The following CNKSR3 variants were observed in gnomAD, a reference collection of about 807,000 sequenced individuals.
The protein encoded by CNKSR3 is connector enhancer of kinase suppressor of ras 3.
In CNKSR3, 36 loss-of-function variants were observed where a neutral mutation model predicts 67.7. The observed-to-expected ratio is 0.53, with a 90% confidence interval of 0.41 to 0.70. The LOEUF is 0.70. Among genes scored for constraint, CNKSR3 ranks in the 30% least tolerant of loss-of-function variants. CNKSR3 has a pLI of 0.00. For missense variants in CNKSR3, 630 were observed against 695.2 expected (o/e 0.91, Z 1.05); for synonymous variants, 281 against 271.4 (o/e 1.04, Z -0.35).
At chr6:154,441,445 T>TG in intron 3 of CNKSR3, 66 bp from the exon 4 acceptor site, 1 of 1,183,684 alleles carries the variant, frequency 8.4e-7, no homozygotes, top group Non-Finnish European at 1.3e-6. Flanking sequence ...CACTGGATGT[T>TG]GGTAAGCATA....
At chr6:154,472,840 C>T (rs891011036) in intron 1 of CNKSR3, among the ~76,000 whole-genome samples, 5 of 149,844 alleles carry the variant, frequency 3.3e-5, no homozygotes, top group African/African-American at 9.8e-5. Context: ...AACAAAAAAA[C>T]GTACAGGGCA....
At chr6:154,468,974 T>C (rs1402566180) in intron 1 of CNKSR3, among the ~76,000 whole-genome samples, 1 of 152,142 alleles carries the variant, frequency 6.6e-6, no homozygotes, top group Non-Finnish European at 1.5e-5. Flanking sequence ...TGAGCTAAGA[T>C]CGTGCCACTG....
At chr6:154,435,596 T>C (rs1267701880) in intron 4 of CNKSR3, among the ~76,000 whole-genome samples, 2 of 152,222 alleles carry the variant, frequency 1.3e-5, no homozygotes, top group Admixed American at 1.3e-4. Flanking sequence ...CCCACACCCA[T>C]TCCTGCCGAG....
intron 1 of CNKSR3, among the ~76,000 whole-genome samples, chr6:154,463,816 G>A (rs1786135545): frequency 6.6e-6 from 1 of 152,160 alleles, no homozygotes; most frequent in African/African-American, 2.4e-5. Flanking sequence ...CTTCACTGCA[G>A]TGTAAAATGC....
rs1337616043 is a variant in CNKSR3, at chr6:154,486,291, CTCTT to C, written c.52+23768_52+23771del. On this transcript the variant is annotated intron_variant, in intron 1 of 12. Transcript: ENST00000607772. ...CAACTGTCTTCTCTTTTCTCTCTCT[CTCTT>C]TTTCTTTTTTTTTTTTTTTAGACGG... 3.9e-3 allele frequency among the ~76,000 whole-genome samples: 589 copies of C among 149,746 alleles called. 4 individuals carry two copies. The highest frequency in any genetic ancestry group is 0.013 in the African/African-American group (541 of 40,270).
intron 1 of CNKSR3, among the ~76,000 whole-genome samples, chr6:154,460,249 T>TC (rs1786050713): frequency 6.6e-6 from 1 of 152,208 alleles, no homozygotes; most frequent in African/African-American, 2.4e-5. Flanking sequence ...GAATTCAGAA[T>TC]ATAATGGCAG....
chr6:154,497,403 A>AAGAG (rs143796696), intron 1 of CNKSR3, among the ~76,000 whole-genome samples: 2 of 150,486 alleles, frequency 1.3e-5, no homozygotes, highest in African/African-American at 4.9e-5. Flanking sequence ...AAACGAGAGA[A>AAGAG]AGAGAGAGAG....
chr6:154,491,142 C>T (rs529925155), intron 1 of CNKSR3, among the ~76,000 whole-genome samples: 1 of 152,162 alleles, frequency 6.6e-6, no homozygotes, highest in Non-Finnish European at 1.5e-5. Context: ...CCACCGCGCC[C>T]GGCCCAGGTC....
At chr6:154,441,483 T>TTTTG in intron 3 of CNKSR3, 104 bp from the exon 4 acceptor site, 1 of 826,974 alleles carries the variant, frequency 1.2e-6, no homozygotes, top group African/African-American at 1.7e-5. Flanking sequence ...TCTAAATTCC[T>TTTTG]TTTTGTTTTG....
intron 1 of CNKSR3, among the ~76,000 whole-genome samples, chr6:154,487,453 C>T (rs1434691416): frequency 6.6e-6 from 1 of 152,092 alleles, no homozygotes; most frequent in Admixed American, 6.6e-5. Context: ...CATAAATTGG[C>T]CAACGTCAGG....
At chr6:154,409,997 T>C (rs559507962) in intron 12 of CNKSR3, among the ~76,000 whole-genome samples, 24 of 152,226 alleles carry the variant, frequency 1.6e-4, no homozygotes, top group Non-Finnish European at 2.6e-4. Context: ...TAGTGAGGTA[T>C]GATCACGCCA....
chr6:154,472,596 A>C (rs1036245376), intron 1 of CNKSR3, among the ~76,000 whole-genome samples: 3 of 152,244 alleles, frequency 2.0e-5, no homozygotes, highest in African/African-American at 7.2e-5. Flanking sequence ...GTCTCCCAAC[A>C]ACAAACCCCA....
intron 1 of CNKSR3, among the ~76,000 whole-genome samples, chr6:154,465,910 A>C (rs1786188588): frequency 6.6e-6 from 1 of 152,214 alleles, no homozygotes; most frequent in Admixed American, 6.5e-5. Context: ...TTTCTAGGAA[A>C]TCTGGATGGA....
chr6:154,444,490 C>T (rs980898969), intron 2 of CNKSR3, among the ~76,000 whole-genome samples: 1 of 151,864 alleles, frequency 6.6e-6, no homozygotes, highest in Non-Finnish European at 1.5e-5. Context: ...AGACAGATGA[C>T]AAGATGGACA....
chr6:154,494,918 G>A (rs557321393), intron 1 of CNKSR3, among the ~76,000 whole-genome samples: 2 of 152,356 alleles, frequency 1.3e-5, no homozygotes, highest in East Asian at 1.9e-4. Flanking sequence ...ATTATGCCAA[G>A]ATGCATTTTG....
intron 1 of CNKSR3, among the ~76,000 whole-genome samples, chr6:154,452,395 C>A (rs1374692066): frequency 6.6e-6 from 1 of 152,204 alleles, no homozygotes; most frequent in Non-Finnish European, 1.5e-5. Flanking sequence ...ATCTTAGAGA[C>A]ACTTAAAAGG....
chr6:154,422,998 A>G lies in CNKSR3; in HGVS notation c.730-15T>C, dbSNP rs758577586. 3.8e-6 allele frequency: 6 copies of G among 1,560,518 alleles called. No individual in the cohort carries two copies. The Admixed American group carries it at 5.5e-5, about 14-fold the overall frequency. ...TCTGCAGGAGACTGTACAGAAACAA[A>G]ATAACCTGCCTTAATTCTTTTAAAC... is the stretch of plus-strand genomic sequence containing the variant. On this transcript the variant is annotated splice_polypyrimidine_tract_variant and intron_variant, in intron 7 of 12. Transcript: ENST00000607772.
chr6:154,505,332 G>C (rs896346677), intron 1 of CNKSR3, among the ~76,000 whole-genome samples: 4 of 150,134 alleles, frequency 2.7e-5, no homozygotes, highest in Non-Finnish European at 5.9e-5. Context: ...CAAGTCCCGT[G>C]GCTTAGACCT....
chr6:154,422,728 G>A, intron 8 of CNKSR3, 76 bp from the exon 9 acceptor site: 1 of 1,505,772 alleles, frequency 6.6e-7, no homozygotes, highest in Admixed American at 1.7e-5. Flanking sequence ...ATTTATCTCA[G>A]GGCAGTCAGG....
Sources: allele counts gnomAD v4.1 joint callset (sites outside exome capture counted in the v4.1 genomes callset), GRCh38; gene constraint gnomAD v4.1.1; transcripts MANE v1.5; gene names NCBI Gene and HGNC (gene_info 2026-07-23, HGNC 2026-07-21).